The following GRID1 variants were observed in gnomAD, a reference collection of about 807,000 sequenced individuals.
GRID1 encodes the protein glutamate ionotropic receptor delta type subunit 1, also known as glutamate receptor ionotropic, delta-1.
In GRID1, 28 loss-of-function variants were observed where a neutral mutation model predicts 98.0. The observed-to-expected ratio is 0.29, with a 90% CI of 0.21 to 0.39. The LOEUF (loss-of-function observed/expected upper bound fraction) is 0.39. Ranked by LOEUF, GRID1 falls within the 10% of genes least tolerant of loss-of-function variation. The probability of loss-of-function intolerance (pLI) is 1.00; values close to 1 mark genes in which losing one functional copy is unlikely to be tolerated. For missense variants in GRID1, 1,111 were observed against 1,340.5 expected (o/e 0.83, Z 2.67); for synonymous variants, 553 against 538.5 (o/e 1.03, Z -0.37).
At chr10:86,236,840 C>T (rs2132039274) in intron 2 of GRID1, among the ~76,000 whole-genome samples, 1 of 152,274 alleles carries the variant, frequency 6.6e-6, no homozygotes, top group African/African-American at 2.4e-5. Flanking sequence ...ACACGCCTGA[C>T]CCAGCGAGTG....
intron 4 of GRID1, among the ~76,000 whole-genome samples, chr10:86,088,559 C>A (rs1844098208): frequency 6.6e-6 from 1 of 152,162 alleles, no homozygotes; most frequent in African/African-American, 2.4e-5. Flanking sequence ...TTCTCCAGGG[C>A]AAATTAGAGA....
chr10:86,307,394 A>C (rs1847772949), intron 2 of GRID1, among the ~76,000 whole-genome samples: 1 of 152,238 alleles, frequency 6.6e-6, no homozygotes, highest in African/African-American at 2.4e-5. Flanking sequence ...TTGCAATAAC[A>C]TGGGTGAACC....
chr10:85,694,546 GTGTGTATA>G (rs1841368050), intron 12 of GRID1, among the ~76,000 whole-genome samples: 8 of 78,176 alleles, frequency 1.0e-4, no homozygotes, highest in African/African-American at 3.3e-4. Context: ...AGAAAATGTG[GTGTGTATA>G]TATATATATA....
chr10:86,241,367 C>G (rs1846629954), intron 2 of GRID1, among the ~76,000 whole-genome samples: 1 of 152,252 alleles, frequency 6.6e-6, no homozygotes, highest in South Asian at 2.1e-4. Context: ...CATCAGGACC[C>G]CTCCACTTCT....
intron 8 of GRID1, among the ~76,000 whole-genome samples, chr10:85,800,325 T>C (rs1047832070): frequency 2.6e-5 from 4 of 152,152 alleles, no homozygotes; most frequent in Middle Eastern, 3.4e-3. Flanking sequence ...TCTCAGGCAT[T>C]TATAATACAG....
chr10:86,180,487 G>A (rs1055754446), intron 3 of GRID1, among the ~76,000 whole-genome samples: 13 of 152,138 alleles, frequency 8.5e-5, no homozygotes, highest in African/African-American at 2.9e-4. Context: ...CTGAGCAGAG[G>A]ACAGGTCCTG....
At chr10:86,363,897 C>A in intron 2 of GRID1, 44 bp downstream of exon 2, 1 of 1,574,176 alleles carries the variant, frequency 6.4e-7, no homozygotes, top group Non-Finnish European at 8.7e-7. Flanking sequence ...TGCGACGCCT[C>A]GCAGGCCGTG....
intron 3 of GRID1, among the ~76,000 whole-genome samples, chr10:86,152,962 G>A (rs887262453): frequency 6.6e-6 from 1 of 152,190 alleles, no homozygotes; most frequent in African/African-American, 2.4e-5. Flanking sequence ...GGTTTAATTT[G>A]TTTCCTCGGG....
chr10:86,342,892 T>A lies in GRID1; in HGVS notation c.235+21049A>T, dbSNP rs564022839. 3.9e-5 allele frequency among the ~76,000 whole-genome samples: 6 copies of A among 152,376 alleles called. No homozygotes were observed. The East Asian group carries it at 1.2e-3, about 29-fold the overall frequency. Reference sequence around the variant, plus strand: ...GTTTGTTCCTGTGAAAAGCACAGGCTCTTTAAAGATAAAGATCCTGGCGTT... The same window carrying A: ...GTTTGTTCCTGTGAAAAGCACAGGCACTTTAAAGATAAAGATCCTGGCGTT... On this transcript the variant is annotated intron_variant, in intron 2 of 15. Coordinates refer to ENST00000327946, the MANE Select transcript of GRID1 (RefSeq NM_017551.3).
chr10:85,741,790 C>A (rs146570329), intron 8 of GRID1, among the ~76,000 whole-genome samples: 1 of 152,040 alleles, frequency 6.6e-6, no homozygotes, highest in South Asian at 2.1e-4. Flanking sequence ...CTGCCTTTAA[C>A]CCCAACCATC....
intron 4 of GRID1, among the ~76,000 whole-genome samples, chr10:86,004,634 A>C (rs1468543700): frequency 1.3e-5 from 2 of 152,140 alleles, no homozygotes; most frequent in Non-Finnish European, 2.9e-5. Context: ...CTGGGTCTCC[A>C]ACCTGCTGGC....
Position 85,602,372 on chromosome 10 carries a change from C to T in GRID1, c.2931G>A (p.Arg977=), listed in dbSNP as rs140388716. Reference sequence around the variant, plus strand: ...GGATGGGGGTCTTCACCGGGCTCTGCCGGAACAGCCCCCCGTTGGGTGACC... The same window carrying T: ...GGATGGGGGTCTTCACCGGGCTCTGTCGGAACAGCCCCCCGTTGGGTGACC... ...KHRSPNGGLF[R]QSPVKTPIPM... Residue 977 remains arginine (R), a synonymous_variant, in exon 16 of 16, where the codon CGG becomes CGA. Transcript: ENST00000327946. 2.5e-6 allele frequency: 4 copies of T among 1,604,770 alleles called. No individual in the cohort carries two copies. Among genetic ancestry groups the T allele is most frequent in the Non-Finnish European group, 3.4e-6 (4 of 1,173,370 alleles).
At position 85,891,583 on chromosome 10, in the gene GRID1, A is replaced by G. The variant is rs374452916; in HGVS notation, c.781-22403T>C. On this transcript the variant is annotated intron_variant, in intron 5 of 15. Coordinates refer to ENST00000327946, the MANE Select transcript of GRID1 (RefSeq NM_017551.3). Reference sequence around the variant, plus strand: ...GGATAACAGGCATAACTAGACATACATAACTAAACCCCCTGAATCCAGGGA... The same window carrying G: ...GGATAACAGGCATAACTAGACATACGTAACTAAACCCCCTGAATCCAGGGA... 2.9e-4 allele frequency among the ~76,000 whole-genome samples: 44 copies of G among 152,314 alleles called. 2 individuals are homozygous for G. The highest frequency in any genetic ancestry group is 7.0e-4 in the African/African-American group (29 of 41,572).
chr10:86,235,793 T>C (rs1278297392), intron 2 of GRID1, among the ~76,000 whole-genome samples: 2 of 152,376 alleles, frequency 1.3e-5, no homozygotes, highest in East Asian at 1.9e-4. Context: ...TATTCACCAG[T>C]TGATGGACAT....
chr10:86,115,572 G>A (rs1362815628), intron 4 of GRID1, among the ~76,000 whole-genome samples: 1 of 152,142 alleles, frequency 6.6e-6, no homozygotes, highest in Non-Finnish European at 1.5e-5. Context: ...TTTTTCAGGT[G>A]AAAAAAGTGA....
chr10:86,207,805 T>C (rs953315630), intron 2 of GRID1, among the ~76,000 whole-genome samples: 1 of 152,060 alleles, frequency 6.6e-6, no homozygotes, highest in Middle Eastern at 3.2e-3. Context: ...CTAATTTTTG[T>C]ATTTTTAGTA....
chr10:85,724,209 C>A (rs1454564193), intron 11 of GRID1, 143 bp downstream of exon 11: 1 of 586,774 alleles, frequency 1.7e-6, no homozygotes, highest in South Asian at 2.5e-5. Flanking sequence ...AAATTGGGTG[C>A]AGCATGACAT....
In GRID1 at chr10:86,366,113, C is replaced by T. The variant is rs1035681138; in HGVS notation, c.79+201G>A. Among the ~76,000 whole-genome samples, 3 of 151,898 alleles carry T rather than the reference C, an allele frequency of 2.0e-5. No homozygotes were observed. Among genetic ancestry groups the T allele is most frequent in the African/African-American group, 7.2e-5 (3 of 41,404 alleles). ...GCGGGGCCCCGCGCGGAGATCGGAG[C>T]CCCGGGGAGCGGCAAGCAGCCAGCG... On this transcript the variant is annotated intron_variant, in intron 1 of 15. Coordinates refer to ENST00000327946, the MANE Select transcript of GRID1 (RefSeq NM_017551.3). The surrounding 1 kb of genome is among the most constrained non-coding windows in gnomAD (Gnocchi z 4.1).
chr10:85,803,719 G>A (rs1027470263), intron 8 of GRID1, among the ~76,000 whole-genome samples: 2 of 151,890 alleles, frequency 1.3e-5, no homozygotes, highest in Non-Finnish European at 2.9e-5. Context: ...GTGGGTACAT[G>A]GTAAGTGTAT....
Sources: allele counts gnomAD v4.1 joint callset (sites outside exome capture counted in the v4.1 genomes callset), GRCh38; gene constraint gnomAD v4.1.1; non-coding constraint Gnocchi (gnomAD v3.1); transcripts MANE v1.5; gene names NCBI Gene and HGNC (gene_info 2026-07-23, HGNC 2026-07-21).